SMYD2: variants seen among roughly 807,000 people sequenced by gnomAD.
SMYD2 encodes the protein N-lysine methyltransferase SMYD2.
SMYD2 carries 53 observed loss-of-function variants against 59.1 expected under a neutral mutation model. That is an observed-to-expected ratio of 0.90 (90% confidence interval 0.72 to 1.13). The LOEUF (loss-of-function observed/expected upper bound fraction) is 1.13, where lower values mean the gene tolerates loss of function less well. SMYD2 is among the 50% of genes most tolerant of loss of function. The pLI, the probability that SMYD2 is intolerant of heterozygous loss-of-function variation, is 0.00. For missense variants in SMYD2, 494 were observed against 544.7 expected, an observed-to-expected ratio of 0.91 and a Z score of 0.93; for synonymous variants, 208 against 198.8, an observed-to-expected ratio of 1.05 and a Z score of -0.39.
intron 5 of SMYD2, among the ~76,000 whole-genome samples, chr1:214,322,268 G>A (rs1313134015): frequency 3.3e-5 from 5 of 152,182 alleles, no homozygotes; most frequent in African/African-American, 4.8e-5. Context: ...GTATAATACC[G>A]GATACAGGTC....
At chr1:214,331,227 C>A in intron 9 of SMYD2, 157 bp downstream of exon 9, 1 of 1,037,008 alleles carries the variant, frequency 9.6e-7, no homozygotes, top group Non-Finnish European at 1.4e-6. Context: ...TGACCACCCA[C>A]AATGTGGTGT....
chr1:214,283,269 C>T (rs1656477943), intron 1 of SMYD2, among the ~76,000 whole-genome samples: 1 of 152,208 alleles, frequency 6.6e-6, no homozygotes, highest in South Asian at 2.1e-4. Context: ...CCATATGTGA[C>T]AGTTTGCTGC....
Position 214,321,312 on chromosome 1 carries a change from T to C in SMYD2, c.534+2329T>C, listed in dbSNP as rs1259611114. ...TAACTATAGAGAATTAATTCCTTTA[T>C]TGACTTTATCAAATAAGTATACATT... is the stretch of plus-strand genomic sequence containing the variant. On this transcript the variant is annotated intron_variant, in intron 5 of 11. Transcript: ENST00000366957. 3.3e-5 allele frequency among the ~76,000 whole-genome samples: 5 copies of C among 152,224 alleles called. No individual in the cohort carries two copies. In the East Asian group the frequency reaches 9.6e-4, roughly 29 times the overall value.
In SMYD2 at chr1:214,330,894, T is replaced by A. The variant is rs1365370958; in HGVS notation, c.817-56T>A. On this transcript the variant is annotated intron_variant, in intron 8 of 11. Coordinates refer to ENST00000366957, the MANE Select transcript of SMYD2 (RefSeq NM_020197.3). ...ATGTGTATTATATGAGAGGTTTCCC[T>A]ATCAGTGTGGTTTCCATGGGCGGTA... The A allele has an allele frequency of 4.3e-6, 7 of 1,611,472 alleles. No homozygotes were observed. The Admixed American group carries it at 5.0e-5, about 12-fold the overall frequency.
At chr1:214,295,401 T>C (rs919630853) in intron 1 of SMYD2, among the ~76,000 whole-genome samples, 2 of 151,898 alleles carry the variant, frequency 1.3e-5, no homozygotes, top group South Asian at 4.2e-4. Flanking sequence ...TCATGAATTT[T>C]TTTTGCTTTC....
At chr1:214,335,109 T>TC (rs1363231442) in intron 11 of SMYD2, among the ~76,000 whole-genome samples, 11 of 152,228 alleles carry the variant, frequency 7.2e-5, no homozygotes, top group African/African-American at 2.7e-4. Context: ...TAGGGGATAG[T>TC]CCATTTACTC....
intron 2 of SMYD2, among the ~76,000 whole-genome samples, chr1:214,306,242 C>T (rs1004827618): frequency 6.6e-6 from 1 of 152,066 alleles, no homozygotes; most frequent in East Asian, 1.9e-4. Context: ...GCCCCATCCC[C>T]GGTCTACTTT....
chr1:214,323,242 G>A (rs1657201380), intron 5 of SMYD2, among the ~76,000 whole-genome samples: 1 of 152,068 alleles, frequency 6.6e-6, no homozygotes, highest in South Asian at 2.1e-4. Flanking sequence ...CAAATTTTCA[G>A]CCTGTTTGTC....
intron 1 of SMYD2, among the ~76,000 whole-genome samples, chr1:214,283,595 A>G (rs1656482626): frequency 6.6e-6 from 1 of 152,220 alleles, no homozygotes. Flanking sequence ...AGGTCATCTG[A>G]TAGATTCAGC....
At chr1:214,330,398 T>G in intron 8 of SMYD2, 120 bp downstream of exon 8, 2 of 628,852 alleles carry the variant, frequency 3.2e-6, no homozygotes, top group South Asian at 4.8e-5. Context: ...TAAACCCTCC[T>G]TACAAAGACA....
rs1656442688 is a variant in SMYD2 at position 214,281,443 on chromosome 1, C to T, written c.173+16C>T. 7 of 1,383,948 alleles carry T rather than the reference C, an allele frequency of 5.1e-6. No homozygotes were observed. Among genetic ancestry groups the T allele is most frequent in the Middle Eastern group, 2.3e-4 (1 of 4,382 alleles). 85.7% of individuals were successfully genotyped at this position (1,383,948 alleles called of 1,614,324 possible). ...GCTTCACCAGGTAGGGCGGCGGCGG[C>T]GGCGGCGGCGGGCGGGAGCCGGGGG... is the stretch of plus-strand genomic sequence containing the variant. On this transcript the variant is annotated intron_variant, in intron 1 of 11. Coordinates refer to ENST00000366957, the MANE Select transcript of SMYD2 (RefSeq NM_020197.3).
chr1:214,327,572 C>A, intron 6 of SMYD2, 50 bp from the exon 7 acceptor site: 1 of 1,451,856 alleles, frequency 6.9e-7, no homozygotes, highest in Non-Finnish European at 9.7e-7. Context: ...GGAAGCTAAA[C>A]AGTCTGCCTA....
intron 1 of SMYD2, among the ~76,000 whole-genome samples, chr1:214,291,303 C>T (rs1376328256): frequency 6.6e-6 from 1 of 152,206 alleles, no homozygotes; most frequent in East Asian, 1.9e-4. Context: ...CTTTTTCTTT[C>T]TTCTGGTCAT....
chr1:214,295,657 G>T (rs559127061), intron 1 of SMYD2, among the ~76,000 whole-genome samples: 1 of 152,334 alleles, frequency 6.6e-6, no homozygotes, highest in South Asian at 2.1e-4. Flanking sequence ...GGTGCTGAGC[G>T]AAGGTTCAGC....
intron 2 of SMYD2, among the ~76,000 whole-genome samples, chr1:214,308,563 A>G (rs552245166): frequency 6.6e-6 from 1 of 152,266 alleles, no homozygotes; most frequent in South Asian, 2.1e-4. Context: ...GCACAAAACA[A>G]GAGCAGCGAT....
intron 11 of SMYD2, among the ~76,000 whole-genome samples, chr1:214,335,888 CTTTCT>C (rs1273470796): frequency 2.0e-5 from 3 of 152,250 alleles, no homozygotes; most frequent in Non-Finnish European, 2.9e-5. Context: ...AACCTGCTAC[CTTTCT>C]TTTAAGTTTT....
At chr1:214,328,359 A>G (rs1353103681) in intron 7 of SMYD2, among the ~76,000 whole-genome samples, 1 of 152,188 alleles carries the variant, frequency 6.6e-6, no homozygotes, top group Non-Finnish European at 1.5e-5. Flanking sequence ...TCTGTGGCCA[A>G]GGGGCACCTT....
At chr1:214,285,383 G>A (rs993204833) in intron 1 of SMYD2, among the ~76,000 whole-genome samples, 8 of 152,278 alleles carry the variant, frequency 5.3e-5, no homozygotes, top group African/African-American at 1.9e-4. Flanking sequence ...CATGAGAAGG[G>A]GACCTTGTGC....
In SMYD2 at chr1:214,281,369, T is replaced by G; in HGVS notation, c.115T>G (p.Tyr39Asp). The change falls in exon 1 of 12, where the codon TAT (tyrosine) becomes GAT (aspartate). Residue 39 changes from tyrosine (Y) to aspartate (D), a missense_variant. Coordinates refer to ENST00000366957, the MANE Select transcript of SMYD2 (RefSeq NM_020197.3). The stretch of plus-strand genomic sequence containing the variant: ...GGACTTGCTGTTCTCCTGCCCGGCC[T>G]ATGCCTACGTGCTCACGGTCAACGA... Reference protein sequence around the residue: ...VGDLLFSCPAYAYVLTVNERG... With the variant: ...VGDLLFSCPADAYVLTVNERG... 1 of 1,459,600 alleles carries G rather than the reference T, an allele frequency of 6.9e-7. No individual in the cohort carries two copies. Among genetic ancestry groups the G allele is most frequent in the Non-Finnish European group, 9.1e-7 (1 of 1,097,918 alleles). The allele number at this position is 1,459,600 out of a possible 1,614,324, so 90.4% of individuals were successfully genotyped here.
Sources: gnomAD v4.1 joint callset for allele counts (sites outside exome capture counted in the v4.1 genomes callset) on GRCh38, gnomAD v4.1.1 for gene constraint, MANE v1.5 for transcripts, NCBI Gene and HGNC (gene_info 2026-07-23, HGNC 2026-07-21) for gene names.